GRIK2: variants seen among roughly 807,000 people sequenced by gnomAD.
The protein encoded by GRIK2 is glutamate ionotropic receptor kainate type subunit 2, also known as glutamate receptor ionotropic, kainate 2.
GRIK2 carries 32 observed loss-of-function variants against 100.3 expected under a neutral mutation model. The ratio of observed to expected loss-of-function variants is 0.32; its 90% CI spans 0.24 to 0.43. The LOEUF (loss-of-function observed/expected upper bound fraction) is 0.43. Among genes scored for constraint, GRIK2 ranks in the 20% least tolerant of loss-of-function variants. GRIK2 has a pLI of 1.00. For missense variants in GRIK2, 843 were observed against 1,114.9 expected, an observed-to-expected ratio of 0.76 and a Z score of 3.47; for synonymous variants, 417 against 389.4, an observed-to-expected ratio of 1.07 and a Z score of -0.83.
At chr6:101,723,087 C>A (rs923946287) in intron 7 of GRIK2, among the ~76,000 whole-genome samples, 2 of 151,972 alleles carry the variant, frequency 1.3e-5, no homozygotes, top group Non-Finnish European at 2.9e-5. Context: ...AGAGTCCATG[C>A]TCACTTTTAG....
chr6:101,462,356 T>C (rs1438998602), intron 2 of GRIK2, among the ~76,000 whole-genome samples: 2 of 152,158 alleles, frequency 1.3e-5, no homozygotes, highest in African/African-American at 4.8e-5. Flanking sequence ...GTTGACAGCA[T>C]ATTTTCTGTT....
intron 10 of GRIK2, among the ~76,000 whole-genome samples, chr6:101,831,006 T>A (rs966285094): frequency 6.6e-6 from 1 of 152,012 alleles, no homozygotes; most frequent in African/African-American, 2.4e-5. Flanking sequence ...CTTGAAAACA[T>A]CCTATTGGAT....
At chr6:101,799,977 A>G (rs1303129238) in intron 8 of GRIK2, among the ~76,000 whole-genome samples, 186 bp downstream of exon 8, 2 of 152,136 alleles carry the variant, frequency 1.3e-5, no homozygotes, top group African/African-American at 2.4e-5. Context: ...GGGGAAACAA[A>G]ATATCTATCA....
chr6:101,964,247 A>T (rs1355448480), intron 14 of GRIK2, among the ~76,000 whole-genome samples: 1 of 151,614 alleles, frequency 6.6e-6, no homozygotes, highest in Non-Finnish European at 1.5e-5. Flanking sequence ...ATGCTAACAC[A>T]TATATGTATA....
rs539550576 is a variant in GRIK2, at chr6:101,747,527, T to A, written c.952-52121T>A. On this transcript the variant is annotated intron_variant, in intron 7 of 16. Coordinates refer to ENST00000369134, the MANE Select transcript of GRIK2 (RefSeq NM_021956.5). ...TTTCTGAAAATAAACTGTTATTTCA[T>A]CCTAAGTAATTAATATCTGAATTTT... is the stretch of plus-strand genomic sequence containing the variant. 5.3e-5 allele frequency among the ~76,000 whole-genome samples: 8 copies of A among 152,302 alleles called. No homozygotes were observed. In the South Asian group the frequency reaches 1.7e-3, roughly 32 times the overall value.
chr6:101,839,011 C>T (rs1783329692), intron 10 of GRIK2, among the ~76,000 whole-genome samples: 1 of 151,472 alleles, frequency 6.6e-6, no homozygotes. Flanking sequence ...TTGAATGAGG[C>T]TCTTTTTGAT....
At chr6:102,025,172 T>C (rs1052921568) in intron 14 of GRIK2, among the ~76,000 whole-genome samples, 1 of 151,134 alleles carries the variant, frequency 6.6e-6, no homozygotes, top group African/African-American at 2.4e-5. Flanking sequence ...AATAATTTCA[T>C]TGTATGCATC....
At chr6:101,938,733 T>A (rs924047227) in intron 14 of GRIK2, among the ~76,000 whole-genome samples, 7 of 152,076 alleles carry the variant, frequency 4.6e-5, no homozygotes, top group Non-Finnish European at 1.0e-4. Context: ...GTGTGTTCTG[T>A]AAGAATAAGG....
chr6:101,396,742 G>A (rs543698689), intron 1 of GRIK2, among the ~76,000 whole-genome samples: 3 of 152,238 alleles, frequency 2.0e-5, no homozygotes, highest in East Asian at 1.9e-4. Context: ...AATGCCAGGA[G>A]CGCTGTCCGT....
chr6:101,565,095 T>G (rs1777189909), intron 2 of GRIK2, among the ~76,000 whole-genome samples: 2 of 152,120 alleles, frequency 1.3e-5, no homozygotes, highest in African/African-American at 4.8e-5. Context: ...CTGAAAGATG[T>G]GCCAATTACA....
intron 14 of GRIK2, among the ~76,000 whole-genome samples, chr6:101,966,891 A>T (rs1259774093): frequency 6.6e-6 from 1 of 152,082 alleles, no homozygotes; most frequent in Admixed American, 6.6e-5. Context: ...TAGACAATAA[A>T]AATAAACTTA....
intron 2 of GRIK2, among the ~76,000 whole-genome samples, chr6:101,605,361 ATTAGTTC>A (rs1779395781): frequency 6.6e-6 from 1 of 152,002 alleles, no homozygotes; most frequent in African/African-American, 2.4e-5. Flanking sequence ...CTCTGGATTC[ATTAGTTC>A]TTCTGTATTC....
chr6:101,838,787 GAT>G (rs1671843592), intron 10 of GRIK2, among the ~76,000 whole-genome samples: 1 of 151,832 alleles, frequency 6.6e-6, no homozygotes, highest in South Asian at 2.1e-4. Flanking sequence ...AAGTAGCTGG[GAT>G]TACAGCTGCC....
chr6:101,837,778 G>A (rs1408126882), intron 10 of GRIK2, among the ~76,000 whole-genome samples: 1 of 152,084 alleles, frequency 6.6e-6, no homozygotes, highest in Non-Finnish European at 1.5e-5. Context: ...TACAGATTAT[G>A]GACCTCTGAA....
rs1372229878 is a variant in GRIK2, at chr6:101,600,581, C to G, written c.116-21368C>G. Reference sequence around the variant, plus strand: ...TTGTGTCACCTGTGGTTTCTTTACACAGTGTTTTGTAGTTCTTCTTGTAGA... The same window carrying G: ...TTGTGTCACCTGTGGTTTCTTTACAGAGTGTTTTGTAGTTCTTCTTGTAGA... On this transcript the variant is annotated intron_variant, in intron 2 of 16. Transcript: ENST00000369134. Among the ~76,000 whole-genome samples the G allele has an allele frequency of 1.3e-5, 2 of 151,830 alleles. 1 individual carries two copies. The highest frequency in any genetic ancestry group is 1.3e-4 in the Admixed American group (2 of 15,170).
intron 14 of GRIK2, among the ~76,000 whole-genome samples, chr6:101,940,636 A>T (rs1165784283): frequency 6.6e-6 from 1 of 152,128 alleles, no homozygotes; most frequent in African/African-American, 2.4e-5. Flanking sequence ...TTTACTAGCC[A>T]TTAGAGAAAC....
At chr6:101,752,457 T>C (rs73761407) in intron 7 of GRIK2, among the ~76,000 whole-genome samples, 9,507 of 152,280 alleles carry the variant, frequency 0.062, 335 homozygotes, top group Middle Eastern at 0.11. Context: ...ACTCATTGCT[T>C]TCGACTTAGT....
chr6:101,836,071 A>G (rs1360066014), intron 10 of GRIK2, among the ~76,000 whole-genome samples: 1 of 151,268 alleles, frequency 6.6e-6, no homozygotes, highest in Non-Finnish European at 1.5e-5. Flanking sequence ...TATAGGTTGA[A>G]TTTTTGGGGA....
chr6:101,950,325 G>T (rs1420599512), intron 14 of GRIK2, among the ~76,000 whole-genome samples: 1 of 152,104 alleles, frequency 6.6e-6, no homozygotes, highest in Non-Finnish European at 1.5e-5. Flanking sequence ...AATCTTTGGT[G>T]AGAGGAATTT....
Sources: gnomAD v4.1 joint callset for allele counts (sites outside exome capture counted in the v4.1 genomes callset) on GRCh38, gnomAD v4.1.1 for gene constraint, MANE v1.5 for transcripts, NCBI Gene and HGNC (gene_info 2026-07-23, HGNC 2026-07-21) for gene names.